The following TRDN variants were observed in gnomAD, a reference collection of about 807,000 sequenced individuals.
The protein encoded by TRDN is triadin, also known as triadin in skeletal muscle.
TRDN carries 161 observed loss-of-function variants against 149.7 expected under a neutral mutation model. That is an observed-to-expected ratio of 1.08 (90% CI 0.95 to 1.23). The LOEUF is 1.23. Among genes scored for constraint, TRDN ranks in the 50% most tolerant of loss-of-function variants. TRDN has a pLI of 0.00. For missense variants in TRDN, 896 were observed against 823.5 expected (o/e 1.09, Z -1.08); for synonymous variants, 294 against 250.5 (o/e 1.17, Z -1.64).
At chr6:123,575,163 A>G (rs1782790760) in intron 1 of TRDN, among the ~76,000 whole-genome samples, 1 of 151,878 alleles carries the variant, frequency 6.6e-6, no homozygotes, top group South Asian at 2.1e-4. Flanking sequence ...TCATGACTCA[A>G]AGATACTGAA....
chr6:123,586,251 C>T (rs1332125865), intron 1 of TRDN, among the ~76,000 whole-genome samples: 3 of 152,022 alleles, frequency 2.0e-5, no homozygotes, highest in Non-Finnish European at 2.9e-5. Flanking sequence ...AACTGTAAGC[C>T]GGACCGGGTG....
intron 14 of TRDN, among the ~76,000 whole-genome samples, chr6:123,385,199 G>C (rs998056109): frequency 6.6e-6 from 1 of 152,062 alleles, no homozygotes; most frequent in African/African-American, 2.4e-5. Context: ...AGGCTGAGGA[G>C]TGCGGATCAC....
At chr6:123,499,017 T>A (rs1336361078) in intron 8 of TRDN, among the ~76,000 whole-genome samples, 1 of 152,200 alleles carries the variant, frequency 6.6e-6, no homozygotes, top group Non-Finnish European at 1.5e-5. Flanking sequence ...ACCCTAGGAA[T>A]ATGCATTTTA....
intron 10 of TRDN, chr6:123,456,953 G>A (rs577949371): frequency 1.4e-4 from 56 of 412,780 alleles, no homozygotes; most frequent in Non-Finnish European, 1.8e-4. Flanking sequence ...GTTTTATAAG[G>A]AAAAATTGGT....
rs1430287671 is a variant in TRDN at position 123,226,473 on chromosome 6, A to C, written c.1976-2342T>G. ...GGATCCATTTATTACCACTAGAAAA[A>C]TAAATACAAATGGAAGGAATAAAGA... On this transcript the variant is annotated intron_variant, in intron 38 of 40. Transcript: ENST00000334268. Among the ~76,000 whole-genome samples, 3 of 151,860 alleles carry C rather than the reference A, an allele frequency of 2.0e-5. No homozygotes were observed. The East Asian group carries it at 5.8e-4, about 29-fold the overall frequency.
At position 123,522,486 on chromosome 6, in the gene TRDN, C is replaced by T. The variant is rs376503870; in HGVS notation, c.485-6280G>A. ...TTAGAAATACATTACTATTTTTCTC[C>T]AGTTAATTGGATTGTGGGGGTGCGG... is the stretch of plus-strand genomic sequence containing the variant. On this transcript the variant is annotated intron_variant, in intron 5 of 40. Transcript: ENST00000334268. 2.0e-3 allele frequency among the ~76,000 whole-genome samples: 288 copies of T among 144,910 alleles called. 9 individuals are homozygous for T. In the South Asian group the frequency reaches 0.055, roughly 28 times the overall value.
intron 9 of TRDN, among the ~76,000 whole-genome samples, chr6:123,465,633 A>C (rs1364883407): frequency 3.3e-5 from 5 of 150,124 alleles, no homozygotes; most frequent in African/African-American, 9.8e-5. Flanking sequence ...AAGAAAACCC[A>C]CAATCATTTC....
chr6:123,570,794 C>G lies in TRDN; in HGVS notation c.232+129G>C, dbSNP rs112517628. The G allele has an allele frequency of 4.3e-4, 321 of 753,278 alleles. 2 individuals carry two copies. The African/African-American group carries it at 4.8e-3, about 11-fold the overall frequency. The allele number at this position is 753,278 out of a possible 1,614,324, so 46.7% of individuals were successfully genotyped here. A position where few individuals can be genotyped will look rare whatever the true frequency, so the allele number is the denominator to read the frequency against. On this transcript the variant is annotated intron_variant, in intron 2 of 40. Transcript: ENST00000334268. Reference sequence around the variant, plus strand: ...GAATGAAACAGATTTCAGTGATCCTCAAGCACATTTGTGGGGTGTTTCTTC... The same window carrying G: ...GAATGAAACAGATTTCAGTGATCCTGAAGCACATTTGTGGGGTGTTTCTTC...
intron 1 of TRDN, among the ~76,000 whole-genome samples, chr6:123,613,748 A>C (rs1354686634): frequency 6.6e-6 from 1 of 152,206 alleles, no homozygotes; most frequent in African/African-American, 2.4e-5. Flanking sequence ...GTATCATTGA[A>C]AGGTGAAAAA....
intron 26 of TRDN, among the ~76,000 whole-genome samples, chr6:123,276,149 C>G (rs1283801777): frequency 6.6e-6 from 1 of 152,070 alleles, no homozygotes; most frequent in Admixed American, 6.6e-5. Flanking sequence ...AAGGCTCCAG[C>G]TGTCAATACT....
At chr6:123,271,096 CAT>C (rs754408826) in intron 30 of TRDN, 41 bp downstream of exon 30, 2 of 1,266,982 alleles carry the variant, frequency 1.6e-6, no homozygotes, top group South Asian at 1.4e-5. Flanking sequence ...CACCACATAA[CAT>C]ATAATGAGAC....
rs562293694 is a variant in TRDN, at chr6:123,602,933, T to TA, written c.23-31802dup. ...TTACTTCAGCCAAAGGACAGTTATT[T>TA]AAAAAAAAATCAGTATGTGATTTAG... On this transcript the variant is annotated intron_variant, in intron 1 of 40. Coordinates refer to ENST00000334268, the MANE Select transcript of TRDN (RefSeq NM_006073.4). Among the ~76,000 whole-genome samples the TA allele has an allele frequency of 9.0e-4, 126 of 140,718 alleles. 1 individual carries two copies. Among genetic ancestry groups the TA allele is most frequent in the Non-Finnish European group, 1.2e-3 (83 of 67,812 alleles). 92.3% of individuals were successfully genotyped at this position (140,718 alleles called of 152,430 possible).
At chr6:123,268,379 C>T (rs923216917) in intron 31 of TRDN, among the ~76,000 whole-genome samples, 7 of 151,988 alleles carry the variant, frequency 4.6e-5, no homozygotes, top group Admixed American at 3.3e-4. Flanking sequence ...ATTGACATCC[C>T]TCTTAGTTCT....
intron 10 of TRDN, among the ~76,000 whole-genome samples, chr6:123,456,632 C>A (rs775500228): frequency 1.4e-4 from 21 of 152,148 alleles, no homozygotes; most frequent in Non-Finnish European, 2.8e-4. Context: ...CCATGCCCGG[C>A]TAATTTTTAT....
chr6:123,272,340 A>C (rs1419034627), intron 29 of TRDN, among the ~76,000 whole-genome samples: 1 of 151,926 alleles, frequency 6.6e-6, no homozygotes, highest in Non-Finnish European at 1.5e-5. Flanking sequence ...GTAGCCTCAA[A>C]ATTAAATTCA....
chr6:123,524,760 A>C (rs555085290), intron 5 of TRDN, among the ~76,000 whole-genome samples: 1 of 152,176 alleles, frequency 6.6e-6, no homozygotes, highest in South Asian at 2.1e-4. Context: ...AATTTCAGAA[A>C]TGTTCATAAA....
chr6:123,372,128 C>T (rs200952331), intron 19 of TRDN, among the ~76,000 whole-genome samples: 21 of 151,956 alleles, frequency 1.4e-4, no homozygotes, highest in East Asian at 3.9e-4. Context: ...TAGATCTTCC[C>T]GGAGACTTCT....
chr6:123,224,291 A>G (rs1775273510), intron 38 of TRDN, among the ~76,000 whole-genome samples, 160 bp from the exon 39 acceptor site: 1 of 151,694 alleles, frequency 6.6e-6, no homozygotes, highest in Admixed American at 6.6e-5. Context: ...CAAAACAGGC[A>G]CTTCTCTGAC....
Position 123,306,545 on chromosome 6 carries a change from A to G in TRDN, c.1510+9912T>C, listed in dbSNP as rs147060539. ...GCTCCAAGAATGTAATTCTCTGCAC[A>G]TACTTGACTGCTGGAATTGCTTGTT... On this transcript the variant is annotated intron_variant, in intron 24 of 40. Coordinates refer to ENST00000334268, the MANE Select transcript of TRDN (RefSeq NM_006073.4). Among the ~76,000 whole-genome samples the G allele has an allele frequency of 7.2e-3, 1,103 of 152,224 alleles. 4 individuals carry two copies. The highest frequency in any genetic ancestry group is 0.015 in the Admixed American group (224 of 15,248).
Sources: allele counts gnomAD v4.1 joint callset (sites outside exome capture counted in the v4.1 genomes callset), GRCh38; gene constraint gnomAD v4.1.1; transcripts MANE v1.5; gene names NCBI Gene and HGNC (gene_info 2026-07-23, HGNC 2026-07-21).